SLIT3: variants seen among roughly 807,000 people sequenced by gnomAD.
SLIT3 encodes the protein slit homolog 3 protein.
Under a neutral mutation model 184.0 loss-of-function variants are expected in SLIT3, and 68 were observed. The observed-to-expected ratio is 0.37, with a 90% CI of 0.30 to 0.45. The LOEUF (loss-of-function observed/expected upper bound fraction) is 0.45. SLIT3 is among the 20% of genes least tolerant of loss of function. SLIT3 has a pLI of 1.00. For missense variants in SLIT3, 1,707 were observed against 2,026.0 expected (o/e 0.84, Z 3.02); for synonymous variants, 831 against 828.6 (o/e 1.00, Z -0.05).
intron 20 of SLIT3, among the ~76,000 whole-genome samples, chr5:168,743,610 C>T (rs566681171): frequency 8.5e-5 from 13 of 152,310 alleles, no homozygotes; most frequent in Middle Eastern, 3.4e-3. Context: ...AACCCTACAA[C>T]GGCCTCTAAG....
chr5:169,295,067 A>G (rs1011061231), intron 1 of SLIT3, among the ~76,000 whole-genome samples: 1 of 152,228 alleles, frequency 6.6e-6, no homozygotes, highest in African/African-American at 2.4e-5. Context: ...ATTACTGTAC[A>G]CTACTGTAGA....
chr5:169,046,557 C>T (rs1674741249), intron 4 of SLIT3, among the ~76,000 whole-genome samples: 1 of 152,170 alleles, frequency 6.6e-6, no homozygotes, highest in Non-Finnish European at 1.5e-5. Context: ...GAGAGGTAAA[C>T]TGCACATTTA....
intron 3 of SLIT3, among the ~76,000 whole-genome samples, chr5:169,223,716 CA>C (rs1180011542): frequency 6.6e-6 from 1 of 152,068 alleles, no homozygotes; most frequent in Non-Finnish European, 1.5e-5. Flanking sequence ...TTTGAAATTC[CA>C]AAAATGATGT....
chr5:169,284,429 T>C (rs1767090439), intron 1 of SLIT3, among the ~76,000 whole-genome samples: 1 of 152,062 alleles, frequency 6.6e-6, no homozygotes, highest in African/African-American at 2.4e-5. Flanking sequence ...TTGTGAGTTA[T>C]TAGCATTGCA....
chr5:168,942,836 T>C (rs1010683836), intron 4 of SLIT3, among the ~76,000 whole-genome samples: 4 of 151,502 alleles, frequency 2.6e-5, no homozygotes, highest in Non-Finnish European at 5.9e-5. Context: ...TTCTGACTGC[T>C]GATGGCTGCT....
At chr5:169,109,874 C>T (rs1337304228) in intron 4 of SLIT3, among the ~76,000 whole-genome samples, 2 of 152,200 alleles carry the variant, frequency 1.3e-5, no homozygotes, top group Admixed American at 1.3e-4. Context: ...CCTTCTCCTA[C>T]CTTTGTCACA....
chr5:168,844,249 T>TG (rs1262433071), intron 6 of SLIT3, among the ~76,000 whole-genome samples: 1 of 152,124 alleles, frequency 6.6e-6, no homozygotes, highest in African/African-American at 2.4e-5. Flanking sequence ...TGGCAGGCTC[T>TG]GGGGGGTTCT....
intron 4 of SLIT3, among the ~76,000 whole-genome samples, chr5:168,987,133 C>G (rs1755158407): frequency 6.6e-6 from 1 of 152,220 alleles, no homozygotes; most frequent in African/African-American, 2.4e-5. Flanking sequence ...CTCTGTTGAT[C>G]TGATTCCTAT....
chr5:168,668,897 T>C (rs1042478784), intron 35 of SLIT3, among the ~76,000 whole-genome samples: 14 of 152,374 alleles, frequency 9.2e-5, no homozygotes, highest in Middle Eastern at 6.8e-3. Flanking sequence ...GCCTCCAGCA[T>C]AGCTGGGATT....
At chr5:168,942,186 A>G (rs1762354623) in intron 4 of SLIT3, among the ~76,000 whole-genome samples, 1 of 152,196 alleles carries the variant, frequency 6.6e-6, no homozygotes. Context: ...CTTTACAGGA[A>G]CTATTAGAAA....
chr5:168,757,173 C>T (rs1754976239), intron 16 of SLIT3, among the ~76,000 whole-genome samples: 1 of 152,098 alleles, frequency 6.6e-6, no homozygotes, highest in African/African-American at 2.4e-5. Flanking sequence ...CCCCAGATCC[C>T]AGGAAACCAC....
At chr5:168,948,411 CAG>C (rs1469015189) in intron 4 of SLIT3, among the ~76,000 whole-genome samples, 1 of 152,264 alleles carries the variant, frequency 6.6e-6, no homozygotes, top group South Asian at 2.1e-4. Context: ...ATACAGAGAA[CAG>C]AGCCGGAGCC....
intron 4 of SLIT3, among the ~76,000 whole-genome samples, chr5:168,973,436 C>T (rs62377248): frequency 0.039 from 5,886 of 152,134 alleles, 158 homozygotes; most frequent in Middle Eastern, 0.065. Context: ...TTAGTTGAGA[C>T]GGGGTTTTGC....
rs968849210 is a variant in SLIT3 at position 169,207,414 on chromosome 5, C to T, written c.342-13864G>A. 2.7e-4 allele frequency among the ~76,000 whole-genome samples: 40 copies of T among 148,150 alleles called. No homozygotes were observed. In the South Asian group the frequency reaches 3.3e-3, roughly 12 times the overall value. On this transcript the variant is annotated intron_variant, in intron 3 of 35. Transcript: ENST00000519560. ...ACACACACACACACACACACACACA[C>T]ACGGCACCAAGTCCATCCTGAAAAG...
intron 4 of SLIT3, among the ~76,000 whole-genome samples, chr5:169,048,554 C>T (rs1366091459): frequency 8.5e-5 from 13 of 152,184 alleles, no homozygotes; most frequent in African/African-American, 1.2e-4. Context: ...TCACCGGCGG[C>T]GTAGCCATTC....
At chr5:169,105,355 C>A (rs1180350613) in intron 4 of SLIT3, among the ~76,000 whole-genome samples, 1 of 152,200 alleles carries the variant, frequency 6.6e-6, no homozygotes, top group South Asian at 2.1e-4. Context: ...ATCGAGGAGG[C>A]TTTTCTTTTT....
At chr5:168,997,711 G>A (rs1561597293) in intron 4 of SLIT3, among the ~76,000 whole-genome samples, 3 of 152,138 alleles carry the variant, frequency 2.0e-5, no homozygotes, top group African/African-American at 7.2e-5. Context: ...AACTCTGCTG[G>A]GAGGGGTCCT....
chr5:169,229,642 T>TTCTCTCTCTCTCTCTCTCTCTCTCTCTC (rs60056409), intron 3 of SLIT3, among the ~76,000 whole-genome samples: 12 of 148,222 alleles, frequency 8.1e-5, no homozygotes, highest in African/African-American at 3.0e-4. Context: ...AAATAAATTC[T>TTCTCTCTCTCTCTCTCTCTCTCTCTCTC]TCTCTCTCTC....
At chr5:168,792,618 G>A (rs1756416905) in intron 10 of SLIT3, among the ~76,000 whole-genome samples, 1 of 152,216 alleles carries the variant, frequency 6.6e-6, no homozygotes, top group African/African-American at 2.4e-5. Context: ...CCTGGAGCTT[G>A]TGGAATGAGT....
Sources: allele counts gnomAD v4.1 joint callset (sites outside exome capture counted in the v4.1 genomes callset), GRCh38; gene constraint gnomAD v4.1.1; transcripts MANE v1.5; gene names NCBI Gene and HGNC (gene_info 2026-07-23, HGNC 2026-07-21).